PTPN13: variants seen among roughly 807,000 people sequenced by gnomAD.
PTPN13 encodes protein tyrosine phosphatase non-receptor type 13.
A neutral mutation model predicts 284.0 loss-of-function variants in PTPN13; 191 were observed. That is an observed-to-expected ratio of 0.67 (90% CI 0.60 to 0.76). PTPN13 has a LOEUF of 0.76. Among genes scored for constraint, PTPN13 ranks in the 30% least tolerant of loss-of-function variants. The pLI is 0.00. For synonymous variants in PTPN13, 986 were observed against 1,022.3 expected (o/e 0.96, Z 0.68); for missense variants, 2,797 against 2,939.9 (o/e 0.95, Z 1.12).
intron 3 of PTPN13, among the ~76,000 whole-genome samples, chr4:86,685,670 T>C (rs1729368468): frequency 2.0e-5 from 3 of 152,222 alleles, no homozygotes; most frequent in African/African-American, 4.8e-5. Context: ...AATTTTTAGA[T>C]TGGCAAAACG....
Position 86,809,776 on chromosome 4 carries a change from A to G in PTPN13, c.7091A>G (p.Glu2364Gly), listed in dbSNP as rs1346149867. ...TCTGTTATACAATTTCAGACCAGAG[A>G]GGTGCGCCATATTTCTCATCTGAAT... is the stretch of plus-strand genomic sequence containing the variant. ...AMTLEDIQTREVRHISHLNFT... is the reference protein window; with the variant it reads ...AMTLEDIQTRGVRHISHLNFT... Residue 2364 changes from glutamate to glycine, a missense_variant, in exon 46 of 48, where the codon GAG (glutamate) becomes GGG (glycine). Glu to Gly is a moderately conservative substitution (Grantham distance 98, BLOSUM62 -2). Coordinates refer to ENST00000411767, the MANE Select transcript of PTPN13 (RefSeq NM_080683.3). 2 of 1,613,576 alleles carry G rather than the reference A, an allele frequency of 1.2e-6. No individual in the cohort carries two copies. The highest frequency in any genetic ancestry group is 3.3e-5 in the Admixed American group (2 of 60,000).
chr4:86,760,268 C>T (rs1044164769), intron 23 of PTPN13, among the ~76,000 whole-genome samples: 1 of 152,122 alleles, frequency 6.6e-6, no homozygotes, highest in East Asian at 1.9e-4. Context: ...AATCTAGTCA[C>T]ATTAGGCAAA....
Position 86,771,319 on chromosome 4 carries a change from G to A in PTPN13, c.4952G>A (p.Ser1651Asn), listed in dbSNP as rs1345138743. 3.1e-6 allele frequency: 5 copies of A among 1,600,064 alleles called. No homozygotes were observed. Among genetic ancestry groups the A allele is most frequent in the Non-Finnish European group, 4.3e-6 (5 of 1,173,160 alleles). Residue 1651 changes from serine to asparagine, a missense_variant, in exon 31 of 48, where the codon AGT becomes AAT. Ser to Asn is a conservative substitution (Grantham distance 46). Transcript: ENST00000411767. ...TGCAAGTCCCCATCCAGAAGAGACA[G>A]TTACAGTGACAGCAGTGGGAGTGGA... ...KQCKSPSRRD[S>N]YSDSSGSGED...
chr4:86,814,624 A>G lies in PTPN13; in HGVS notation c.*73A>G, dbSNP rs1745605241. 4 of 1,248,884 alleles carry G rather than the reference A, an allele frequency of 3.2e-6. No individual in the cohort carries two copies. The highest frequency in any genetic ancestry group is 3.0e-5 in the African/African-American group (2 of 66,976). The allele number at this position is 1,248,884 out of a possible 1,614,324, so 77.4% of individuals were successfully genotyped here. A position where few individuals can be genotyped will look rare whatever the true frequency, so the allele number is the denominator to read the frequency against. On this transcript the variant is annotated 3_prime_UTR_variant, in exon 48 of 48. Transcript: ENST00000411767. Reference sequence around the variant, plus strand: ...AGCAGACTCCTGCTCTCTATCCAAAATAAAGATCACAGAGCAGCAAGTTCA... The same window carrying G: ...AGCAGACTCCTGCTCTCTATCCAAAGTAAAGATCACAGAGCAGCAAGTTCA...
chr4:86,734,041 G>A (rs1013480177), intron 12 of PTPN13, among the ~76,000 whole-genome samples: 1 of 152,122 alleles, frequency 6.6e-6, no homozygotes, highest in African/African-American at 2.4e-5. Context: ...TATATTCAGT[G>A]TCATACGGAT....
At chr4:86,789,992 TTG>T (rs1416056342) in intron 40 of PTPN13, among the ~76,000 whole-genome samples, 1 of 152,126 alleles carries the variant, frequency 6.6e-6, no homozygotes, top group East Asian at 1.9e-4. Context: ...CATTTAATAA[TTG>T]TGTTATTAAA....
chr4:86,718,274 C>G (rs532348629), intron 9 of PTPN13, among the ~76,000 whole-genome samples: 1 of 152,262 alleles, frequency 6.6e-6, no homozygotes, highest in African/African-American at 2.4e-5. Flanking sequence ...AGAAAAGAAT[C>G]ATTTAGAAAT....
chr4:86,760,462 C>T (rs1487506754), intron 23 of PTPN13, among the ~76,000 whole-genome samples: 3 of 152,138 alleles, frequency 2.0e-5, no homozygotes, highest in African/African-American at 7.2e-5. Context: ...CTCATGTTTT[C>T]AGTAGATGTT....
intron 12 of PTPN13, among the ~76,000 whole-genome samples, chr4:86,733,429 A>G (rs969087209): frequency 6.6e-6 from 1 of 152,116 alleles, no homozygotes; most frequent in Non-Finnish European, 1.5e-5. Context: ...TTTAACTTGG[A>G]AAGTTTAGGC....
intron 1 of PTPN13, among the ~76,000 whole-genome samples, chr4:86,608,987 G>T (rs1321880848): frequency 6.6e-6 from 1 of 152,098 alleles, no homozygotes; most frequent in South Asian, 2.1e-4. Context: ...TGTATGTGGT[G>T]ATGTAAAAAG....
chr4:86,716,734 A>G, intron 8 of PTPN13, 109 bp downstream of exon 8: 1 of 888,376 alleles, frequency 1.1e-6, no homozygotes, highest in Non-Finnish European at 1.7e-6. Context: ...AATACTGTAT[A>G]AAATTGAAAA....
chr4:86,641,326 A>C (rs1723756342), intron 2 of PTPN13, among the ~76,000 whole-genome samples: 1 of 152,080 alleles, frequency 6.6e-6, no homozygotes, highest in South Asian at 2.1e-4. Flanking sequence ...TTTCTTGTCA[A>C]TGGCTTTTCC....
chr4:86,807,559 G>A lies in PTPN13; in HGVS notation c.6746-1G>A, dbSNP rs556932061. ...TCTGTTTTGTGGTGGAAAATTCACAGATGATGCTACAAGAGTGCCTCTTGG... is the reference window on the plus strand; with the variant it reads ...TCTGTTTTGTGGTGGAAAATTCACAAATGATGCTACAAGAGTGCCTCTTGG... On this transcript the variant is annotated splice_acceptor_variant, in intron 44 of 47. Transcript: ENST00000411767. LOFTEE classifies it high-confidence loss of function. The A allele has an allele frequency of 6.3e-7, 1 of 1,596,170 alleles. No individual in the cohort carries two copies. Among genetic ancestry groups the A allele is most frequent in the Non-Finnish European group, 8.6e-7 (1 of 1,168,764 alleles).
chr4:86,669,091 G>T (rs1361945098), intron 2 of PTPN13, among the ~76,000 whole-genome samples: 5 of 151,428 alleles, frequency 3.3e-5, no homozygotes, highest in African/African-American at 1.2e-4. Context: ...CCATGGTCAA[G>T]TCTTACCTAT....
chr4:86,717,546 T>C (rs1733177372), intron 9 of PTPN13, among the ~76,000 whole-genome samples: 1 of 152,136 alleles, frequency 6.6e-6, no homozygotes, highest in Admixed American at 6.5e-5. Context: ...TCCTTTCCCC[T>C]AGCTCTCTTT....
At chr4:86,797,884 C>T (rs1264775113) in intron 41 of PTPN13, among the ~76,000 whole-genome samples, 1 of 151,764 alleles carries the variant, frequency 6.6e-6, no homozygotes, top group Non-Finnish European at 1.5e-5. Flanking sequence ...GGGTTTTTAT[C>T]TATGAGGGGA....
intron 1 of PTPN13, among the ~76,000 whole-genome samples, chr4:86,616,946 G>A (rs1474954724): frequency 6.6e-6 from 1 of 152,138 alleles, no homozygotes; most frequent in East Asian, 1.9e-4. Flanking sequence ...CAGGACTGAA[G>A]GGGAGAGCGT....
chr4:86,701,457 A>G lies in PTPN13; in HGVS notation c.851A>G (p.Lys284Arg). The change falls in exon 7 of 48, where the codon AAA becomes AGA. Residue 284 changes from lysine to arginine, a missense_variant. Transcript: ENST00000411767. ...PYQFKTSGPE[K>R]KPIPGIDVLS... is the part of the protein sequence containing the mutation. ...CAGTTCAAAACTAGTGGCCCAGAAA[A>G]AAAACCCATCCCTGGCATTGATGTG... The G allele has an allele frequency of 1.2e-6, 2 of 1,613,860 alleles. No individual in the cohort carries two copies. Among genetic ancestry groups the G allele is most frequent in the Non-Finnish European group, 1.7e-6 (2 of 1,179,798 alleles).
At chr4:86,731,948 G>A (rs1186809669) in intron 10 of PTPN13, among the ~76,000 whole-genome samples, 1 of 152,166 alleles carries the variant, frequency 6.6e-6, no homozygotes, top group African/African-American at 2.4e-5. Context: ...CCTACGATCT[G>A]TTTTAGGCTG....
Sources: allele counts gnomAD v4.1 joint callset (sites outside exome capture counted in the v4.1 genomes callset), GRCh38; gene constraint gnomAD v4.1.1; transcripts MANE v1.5; gene names NCBI Gene and HGNC (gene_info 2026-07-23, HGNC 2026-07-21).